Variants in NALF1 observed in about 807,000 individuals in gnomAD.
The protein encoded by NALF1 is NALCN channel auxiliary factor 1, also known as family with sequence similarity 155 member A.
In NALF1, 3 loss-of-function variants were observed where a neutral mutation model predicts 48.4. The observed-to-expected ratio is 0.06, with a 90% CI of 0.03 to 0.16. NALF1 has a LOEUF of 0.16. NALF1 is among the 10% of genes least tolerant of loss of function. The pLI is 1.00. For synonymous variants in NALF1, 262 were observed against 245.7 expected (o/e 1.07, Z -0.62); for missense variants, 526 against 571.5 (o/e 0.92, Z 0.81).
chr13:107,821,453 C>T (rs923190051), intron 1 of NALF1, among the ~76,000 whole-genome samples: 40 of 152,152 alleles, frequency 2.6e-4, no homozygotes, highest in African/African-American at 7.2e-5. Context: ...AGATTACGCG[C>T]CCTTTGAGAT....
intron 1 of NALF1, among the ~76,000 whole-genome samples, chr13:107,725,686 CAAA>C (rs1262849129): frequency 6.3e-5 from 6 of 95,842 alleles, no homozygotes; most frequent in Non-Finnish European, 1.2e-4. Flanking sequence ...CTCTGTCTCT[CAAA>C]AAAAAAAAAA....
chr13:107,191,578 C>T (rs184269967), intron 2 of NALF1, among the ~76,000 whole-genome samples: 2 of 152,164 alleles, frequency 1.3e-5, no homozygotes, highest in East Asian at 3.9e-4. Context: ...TGTTAGAAGC[C>T]GGGGTCCTAG....
chr13:107,341,696 G>T (rs1471285645), intron 1 of NALF1, among the ~76,000 whole-genome samples: 6 of 150,572 alleles, frequency 4.0e-5, no homozygotes, highest in Non-Finnish European at 7.4e-5. Flanking sequence ...ATATATGATA[G>T]ATACATTATA....
chr13:107,226,824 C>T (rs773584678), intron 1 of NALF1, among the ~76,000 whole-genome samples: 1 of 151,950 alleles, frequency 6.6e-6, no homozygotes, highest in Middle Eastern at 3.2e-3. Flanking sequence ...AATATTTTTC[C>T]TCTATTCCAT....
At chr13:107,470,982 T>C (rs572960216) in intron 1 of NALF1, among the ~76,000 whole-genome samples, 1 of 152,188 alleles carries the variant, frequency 6.6e-6, no homozygotes, top group East Asian at 1.9e-4. Context: ...TGGTTTATGA[T>C]TGAGCAAGAA....
intron 1 of NALF1, among the ~76,000 whole-genome samples, chr13:107,379,405 T>C (rs1367905093): frequency 1.3e-5 from 2 of 152,340 alleles, no homozygotes; most frequent in South Asian, 2.1e-4. Flanking sequence ...AGAATTTCTA[T>C]GTTTCTACAA....
At chr13:107,699,849 A>G (rs1881779683) in intron 1 of NALF1, among the ~76,000 whole-genome samples, 1 of 152,140 alleles carries the variant, frequency 6.6e-6, no homozygotes, top group East Asian at 1.9e-4. Flanking sequence ...ATCAACATAA[A>G]AAAATCAGTA....
chr13:107,529,550 A>G (rs1876556872), intron 1 of NALF1, among the ~76,000 whole-genome samples: 1 of 152,158 alleles, frequency 6.6e-6, no homozygotes, highest in Non-Finnish European at 1.5e-5. Context: ...TATGTCCTAG[A>G]TGTGTGCAAT....
intron 1 of NALF1, among the ~76,000 whole-genome samples, chr13:107,752,978 T>G (rs183064107): frequency 6.6e-6 from 1 of 152,286 alleles, no homozygotes; most frequent in East Asian, 1.9e-4. Flanking sequence ...GTTACCAACT[T>G]TGTTGTTATG....
In NALF1 at chr13:107,387,576, C is replaced by T. The variant is rs114497605; in HGVS notation, c.916-176821G>A. 9.8e-3 allele frequency among the ~76,000 whole-genome samples: 1,493 copies of T among 152,106 alleles called. 27 individuals carry two copies. Among genetic ancestry groups the T allele is most frequent in the African/African-American group, 0.034 (1,431 of 41,500 alleles). On this transcript the variant is annotated intron_variant, in intron 1 of 2. Coordinates refer to ENST00000375915, the MANE Select transcript of NALF1 (RefSeq NM_001080396.3). ...TCTGTTCAGTGTCACAAAAATGAACCCCCACCTCCCAAAAACGACACCATT... is the reference window on the plus strand; with the variant it reads ...TCTGTTCAGTGTCACAAAAATGAACTCCCACCTCCCAAAAACGACACCATT...
At chr13:107,322,529 C>G (rs186690675) in intron 1 of NALF1, among the ~76,000 whole-genome samples, 1 of 152,110 alleles carries the variant, frequency 6.6e-6, no homozygotes, top group African/African-American at 2.4e-5. Context: ...AAAAAATACT[C>G]CATTTGTGAT....
chr13:107,251,538 T>G (rs1225167134), intron 1 of NALF1, among the ~76,000 whole-genome samples: 1 of 152,184 alleles, frequency 6.6e-6, no homozygotes, highest in Non-Finnish European at 1.5e-5. Flanking sequence ...TACAGCTACA[T>G]CCCACAGGCT....
intron 1 of NALF1, among the ~76,000 whole-genome samples, chr13:107,522,291 T>C (rs1876270030): frequency 6.6e-6 from 1 of 152,174 alleles, no homozygotes; most frequent in Admixed American, 6.5e-5. Flanking sequence ...TACTTATTTT[T>C]CCTTTAATTT....
intron 1 of NALF1, among the ~76,000 whole-genome samples, chr13:107,457,622 C>T (rs931337715): frequency 2.0e-5 from 3 of 152,156 alleles, no homozygotes; most frequent in Non-Finnish European, 4.4e-5. Flanking sequence ...TAAATTAAAA[C>T]ATATATATGT....
chr13:107,283,082 T>C (rs984875230), intron 1 of NALF1, among the ~76,000 whole-genome samples: 6 of 152,190 alleles, frequency 3.9e-5, no homozygotes, highest in African/African-American at 9.7e-5. Flanking sequence ...AAGGAGTTGA[T>C]GAGGAGTCCC....
intron 2 of NALF1, among the ~76,000 whole-genome samples, chr13:107,198,420 T>C (rs1031234852): frequency 2.0e-5 from 3 of 152,232 alleles, no homozygotes; most frequent in African/African-American, 7.2e-5. Flanking sequence ...ATACCCTTTC[T>C]TCGTTACTAC....
chr13:107,801,902 T>A (rs1329973270), intron 1 of NALF1, among the ~76,000 whole-genome samples: 1 of 152,174 alleles, frequency 6.6e-6, no homozygotes, highest in African/African-American at 2.4e-5. Context: ...AATTACCCTC[T>A]GCCTTTCACA....
intron 1 of NALF1, among the ~76,000 whole-genome samples, chr13:107,244,410 A>G (rs1266227615): frequency 6.6e-6 from 1 of 152,252 alleles, no homozygotes; most frequent in East Asian, 1.9e-4. Context: ...TATCATAGTG[A>G]CCAAGCATAT....
intron 1 of NALF1, among the ~76,000 whole-genome samples, chr13:107,433,551 T>A (rs1046606206): frequency 6.6e-6 from 1 of 152,064 alleles, no homozygotes; most frequent in African/African-American, 2.4e-5. Flanking sequence ...ATTGTGCACA[T>A]GTACCCTAAA....
Sources: allele counts gnomAD v4.1 joint callset (sites outside exome capture counted in the v4.1 genomes callset), GRCh38; gene constraint gnomAD v4.1.1; transcripts MANE v1.5; gene names NCBI Gene and HGNC (gene_info 2026-07-23, HGNC 2026-07-21).